The following IFRD1 variants were observed in gnomAD, a reference collection of about 807,000 sequenced individuals.
IFRD1 encodes the protein interferon-related developmental regulator 1.
In IFRD1, 35 loss-of-function variants were observed where a neutral mutation model predicts 52.9. The observed-to-expected ratio is 0.66, with a 90% CI of 0.51 to 0.88. The LOEUF (loss-of-function observed/expected upper bound fraction) is 0.88, where lower values mean the gene tolerates loss of function less well. IFRD1 is among the 40% of genes least tolerant of loss of function. IFRD1 has a pLI of 0.00. For synonymous variants in IFRD1, 184 were observed against 188.4 expected, an observed-to-expected ratio of 0.98 and a Z score of 0.19; for missense variants, 517 against 550.8, an observed-to-expected ratio of 0.94 and a Z score of 0.61.
rs58694028 is a variant in IFRD1, at chr7:112,458,318, C to CA, written c.410-528dup. On this transcript the variant is annotated intron_variant, in intron 4 of 11. Coordinates refer to ENST00000403825, the MANE Select transcript of IFRD1 (RefSeq NM_001550.4). ...TGGGCGACAGAGTGAGACCCTGTCTCAAAAAAAAAAAAAAATAAATAAAGT... is the reference window on the plus strand; with the variant it reads ...TGGGCGACAGAGTGAGACCCTGTCTCAAAAAAAAAAAAAAAATAAATAAAGT... The CA allele has an allele frequency of 4.3e-3, 513 of 119,814 alleles. 3 individuals carry two copies. Among genetic ancestry groups the CA allele is most frequent in the Non-Finnish European group, 6.2e-3 (351 of 56,520 alleles). The allele number at this position is 119,814 out of a possible 1,614,324, so 7.4% of individuals were successfully genotyped here. A position where few individuals can be genotyped will look rare whatever the true frequency, so the allele number is the denominator to read the frequency against.
At position 112,455,808 on chromosome 7, in the gene IFRD1, C is replaced by A; in HGVS notation, c.140C>A (p.Ser47Ter). ...NVQPFSDEDA[S>*]IETMSHCSGY... is the part of the protein sequence containing the mutation. ...CAGCCTTTTAGTGATGAAGATGCAT[C>A]AATTGAAACAATGAGCCATTGCAGT... The change falls in exon 2 of 12, where the codon TCA becomes TAA. Residue 47 changes from serine to a stop codon, truncating the protein, a stop_gained. Transcript: ENST00000403825. LOFTEE classifies it high-confidence loss of function. The A allele has an allele frequency of 1.2e-6, 2 of 1,613,228 alleles. No individual in the cohort carries two copies. The highest frequency in any genetic ancestry group is 1.7e-6 in the Non-Finnish European group (2 of 1,179,250).
At chr7:112,455,014 G>A (rs993595175) in intron 1 of IFRD1, among the ~76,000 whole-genome samples, 6 of 151,628 alleles carry the variant, frequency 4.0e-5, no homozygotes, top group East Asian at 4.0e-4. Context: ...CTATAGGCAC[G>A]CACCACTACA....
intron 5 of IFRD1, chr7:112,461,266 A>C (rs561614226): frequency 1.3e-5 from 2 of 152,174 alleles, no homozygotes; most frequent in African/African-American, 2.4e-5. Context: ...TTCTTTTAGA[A>C]GTTTTCATAG....
At position 112,462,172 on chromosome 7, in the gene IFRD1, C is replaced by T; in HGVS notation, c.790C>T (p.Leu264Phe). The T allele has an allele frequency of 6.2e-7, 1 of 1,613,622 alleles. No individual in the cohort carries two copies. The highest frequency in any genetic ancestry group is 8.5e-7 in the Non-Finnish European group (1 of 1,179,752). ...ICPINEVKKK[L>F]EMHFHKLPSL... ...CCCAATCAATGAAGTGAAGAAAAAGCTTGAGATGTATGTATTTTTAGTTTC... is the reference window on the plus strand; with the variant it reads ...CCCAATCAATGAAGTGAAGAAAAAGTTTGAGATGTATGTATTTTTAGTTTC... The change falls in exon 7 of 12, where the codon CTT becomes TTT. Residue 264 changes from leucine (L) to phenylalanine (F), a missense_variant. Leu to Phe is a conservative substitution (Grantham distance 22). Transcript: ENST00000403825.
chr7:112,473,763 T>TA (rs981255952), intron 11 of IFRD1, among the ~76,000 whole-genome samples: 1 of 152,070 alleles, frequency 6.6e-6, no homozygotes, highest in African/African-American at 2.4e-5. Flanking sequence ...TTTTTTTTTG[T>TA]GCTGAGATGA....
chr7:112,476,897 A>G lies in IFRD1; in HGVS notation c.*1378A>G, dbSNP rs1795917349. On this transcript the variant is annotated 3_prime_UTR_variant, in exon 12 of 12. Transcript: ENST00000403825. The stretch of plus-strand genomic sequence containing the variant: ...CAAAATCATTTAAGGTCTTTTTTCC[A>G]AACTAGTGTTCCCCTCCCACATCCC... 1 of 152,106 alleles carries G rather than the reference A, an allele frequency of 6.6e-6. No individual in the cohort carries two copies. The highest frequency in any genetic ancestry group is 1.5e-5 in the Non-Finnish European group (1 of 68,016). The allele number at this position is 152,106 out of a possible 1,614,324, so 9.4% of individuals were successfully genotyped here. A position where few individuals can be genotyped will look rare whatever the true frequency, so the allele number is the denominator to read the frequency against.
At chr7:112,461,622 G>A (rs1055744755) in intron 5 of IFRD1, 40 of 278,136 alleles carry the variant, frequency 1.4e-4, no homozygotes, top group Non-Finnish European at 2.2e-4. Context: ...GAAGACTGAA[G>A]AGGAACAGAA....
chr7:112,445,003 G>A (rs1237672097), intron 1 of IFRD1, among the ~76,000 whole-genome samples: 1 of 151,144 alleles, frequency 6.6e-6, no homozygotes, highest in Non-Finnish European at 1.5e-5. Flanking sequence ...AAGCACTCAG[G>A]TTCCCATATG....
At chr7:112,426,424 A>G (rs992512197) in intron 1 of IFRD1, among the ~76,000 whole-genome samples, 3 of 152,176 alleles carry the variant, frequency 2.0e-5, no homozygotes, top group Non-Finnish European at 4.4e-5. Flanking sequence ...TGCTGCTATA[A>G]CAGAATAGCA....
intron 1 of IFRD1, among the ~76,000 whole-genome samples, chr7:112,455,514 A>C (rs1795269653): frequency 6.6e-6 from 1 of 152,036 alleles, no homozygotes; most frequent in Admixed American, 6.6e-5. Flanking sequence ...CAAAACAAAA[A>C]AAAGAATGCC....
upstream of IFRD1, among the ~76,000 whole-genome samples, chr7:112,449,645 TTGATCTGTA>T (rs2117275557): frequency 6.6e-6 from 1 of 152,294 alleles, no homozygotes; most frequent in South Asian, 2.1e-4. Flanking sequence ...ACTGCGATTA[TTGATCTGTA>T]TAACTTGTGT....
intron 10 of IFRD1, 63 bp from the exon 11 acceptor site, chr7:112,472,703 G>C: frequency 1.0e-6 from 1 of 986,348 alleles, no homozygotes; most frequent in Non-Finnish European, 1.6e-6. Flanking sequence ...GAGTCACTCT[G>C]TCTAGTGAAA....
rs907783955 is a variant in IFRD1, at chr7:112,456,973, T to A, written c.344T>A (p.Leu115Gln). 1.2e-6 allele frequency: 2 copies of A among 1,613,754 alleles called. No homozygotes were observed. The highest frequency in any genetic ancestry group is 2.7e-5 in the African/African-American group (2 of 74,918). The change falls in exon 4 of 12, where the codon CTG becomes CAG. Residue 115 changes from leucine to glutamine, a missense_variant. Coordinates refer to ENST00000403825, the MANE Select transcript of IFRD1 (RefSeq NM_001550.4). ...GIKNALASKM[L>Q]YEFILERRMT... ...AAAAATGCACTGGCTTCAAAAATGCTGTATGAATTTATTCTGGAAAGGAGA... is the reference window on the plus strand; with the variant it reads ...AAAAATGCACTGGCTTCAAAAATGCAGTATGAATTTATTCTGGAAAGGAGA...
chr7:112,426,989 A>G (rs1172972893), intron 1 of IFRD1, among the ~76,000 whole-genome samples: 1 of 152,166 alleles, frequency 6.6e-6, no homozygotes, highest in Non-Finnish European at 1.5e-5. Context: ...GTCTCCCTAA[A>G]ATGTATAAAA....
intron 5 of IFRD1, 26 bp from the exon 6 acceptor site, chr7:112,461,840 C>CTA (rs749181325): frequency 8.8e-5 from 107 of 1,211,184 alleles, no homozygotes; most frequent in Admixed American, 8.4e-4. Context: ...TCATTAATGT[C>CTA]TATATATATA....
intron 1 of IFRD1, chr7:112,452,628 G>A (rs4730548): frequency 1.1e-5 from 2 of 177,582 alleles, no homozygotes; most frequent in African/African-American, 4.8e-5. Context: ...CTTTAATCCC[G>A]TCTAAAGTTT....
chr7:112,465,594 T>C (rs1795589414), intron 8 of IFRD1, among the ~76,000 whole-genome samples: 3 of 152,208 alleles, frequency 2.0e-5, no homozygotes, highest in Admixed American at 6.5e-5. Flanking sequence ...TTATGTCCTG[T>C]GTTTTATATA....
intron 1 of IFRD1, among the ~76,000 whole-genome samples, chr7:112,429,940 G>T (rs914750186): frequency 6.6e-6 from 1 of 152,200 alleles, no homozygotes; most frequent in Admixed American, 6.5e-5. Flanking sequence ...GAGCCATAGA[G>T]CATAGTGCTG....
intron 4 of IFRD1, chr7:112,457,349 C>T (rs779715401): frequency 8.1e-6 from 4 of 493,546 alleles, no homozygotes; most frequent in Admixed American, 3.6e-5. Context: ...GTGTGTCAGA[C>T]ATCTAGCTCA....
Sources: gnomAD v4.1 joint callset for allele counts (sites outside exome capture counted in the v4.1 genomes callset) on GRCh38, gnomAD v4.1.1 for gene constraint, MANE v1.5 for transcripts, NCBI Gene and HGNC (gene_info 2026-07-23, HGNC 2026-07-21) for gene names.